Variants in SGCZ observed in about 807,000 individuals in gnomAD.
SGCZ encodes zeta-sarcoglycan.
A neutral mutation model predicts 41.3 loss-of-function variants in SGCZ; 40 were observed. That is an observed-to-expected ratio of 0.97 (90% confidence interval 0.75 to 1.26). The LOEUF is 1.26. Among genes scored for constraint, SGCZ ranks in the 50% most tolerant of loss-of-function variants. SGCZ has a pLI of 0.00. For synonymous variants in SGCZ, 206 were observed against 137.5 expected (o/e 1.50, Z -3.49); for missense variants, 552 against 369.8 (o/e 1.49, Z -4.04).
chr8:14,643,913 A>G (rs756288139), intron 1 of SGCZ, among the ~76,000 whole-genome samples: 13 of 151,786 alleles, frequency 8.6e-5, no homozygotes, highest in Non-Finnish European at 1.8e-4. Flanking sequence ...ACTGCAATGT[A>G]TAAATTAAAA....
At chr8:15,185,303 G>A (rs1228138821) in intron 1 of SGCZ, among the ~76,000 whole-genome samples, 2 of 152,202 alleles carry the variant, frequency 1.3e-5, no homozygotes, top group Non-Finnish European at 2.9e-5. Context: ...CCAAAGCTCT[G>A]AGGTTTCACT....
intron 5 of SGCZ, among the ~76,000 whole-genome samples, chr8:14,143,563 T>G (rs1244503175): frequency 6.6e-6 from 1 of 152,138 alleles, no homozygotes; most frequent in Non-Finnish European, 1.5e-5. Context: ...AAACACCATA[T>G]TGGAGGTAGA....
rs1014266472 is a variant in SGCZ at position 14,127,549 on chromosome 8, G to A, written c.548-19314C>T. On this transcript the variant is annotated intron_variant, in intron 5 of 7. Coordinates refer to ENST00000382080, the MANE Select transcript of SGCZ (RefSeq NM_139167.4). ...CGGCTCACTGCATCCTCCGCCTCCC[G>A]GGTTCATGCCATTAGCCTGCCTCAG... 3.9e-5 allele frequency among the ~76,000 whole-genome samples: 6 copies of A among 152,050 alleles called. No individual in the cohort carries two copies. In the South Asian group the frequency reaches 8.3e-4, roughly 21 times the overall value.
At chr8:15,037,229 G>A (rs140635752) in intron 1 of SGCZ, among the ~76,000 whole-genome samples, 2 of 152,114 alleles carry the variant, frequency 1.3e-5, no homozygotes, top group East Asian at 1.9e-4. Flanking sequence ...TAATGGAGGC[G>A]GTTACCCCCA....
intron 1 of SGCZ, among the ~76,000 whole-genome samples, chr8:15,170,371 A>C (rs482004): frequency 0.87 from 132,276 of 151,922 alleles, 57,606 homozygotes; most frequent in East Asian, 0.9. Flanking sequence ...GATATAAAAA[A>C]AAAAGGAAAA....
intron 1 of SGCZ, among the ~76,000 whole-genome samples, chr8:14,838,955 C>CTA (rs1422419953): frequency 6.6e-6 from 1 of 152,078 alleles, no homozygotes; most frequent in Non-Finnish European, 1.5e-5. Flanking sequence ...CCAAGCATGG[C>CTA]TATGTTGGAC....
At chr8:14,346,108 G>A (rs528116024) in intron 2 of SGCZ, among the ~76,000 whole-genome samples, 16 of 151,868 alleles carry the variant, frequency 1.1e-4, no homozygotes, top group Middle Eastern at 6.8e-3. Context: ...TGTCAATATC[G>A]GCTCTGTTAT....
At chr8:14,981,637 A>C (rs922785682) in intron 1 of SGCZ, among the ~76,000 whole-genome samples, 2 of 152,320 alleles carry the variant, frequency 1.3e-5, no homozygotes, top group South Asian at 4.1e-4. Context: ...CATGTGGTCC[A>C]ACTCACATGA....
chr8:14,528,830 A>AAAAAAT (rs1563388535), intron 2 of SGCZ, among the ~76,000 whole-genome samples: 1 of 78,230 alleles, frequency 1.3e-5, no homozygotes. Flanking sequence ...GACCAGCCAA[A>AAAAAAT]AAAAAAACAA....
intron 2 of SGCZ, among the ~76,000 whole-genome samples, chr8:14,489,551 T>C (rs1368409917): frequency 4.6e-5 from 7 of 151,866 alleles, no homozygotes; most frequent in African/African-American, 9.7e-5. Context: ...AAAAGGGAGA[T>C]GGTCTGGCTT....
chr8:14,476,271 A>C (rs1801357686), intron 2 of SGCZ, among the ~76,000 whole-genome samples: 2 of 152,098 alleles, frequency 1.3e-5, no homozygotes, highest in Admixed American at 1.3e-4. Context: ...CATCCAACTC[A>C]CTGGGACCTG....
chr8:14,298,403 T>G (rs73207788), intron 3 of SGCZ, among the ~76,000 whole-genome samples: 7,329 of 152,052 alleles, frequency 0.048, 269 homozygotes, highest in East Asian at 0.17. Flanking sequence ...TGAAAAAAAC[T>G]ATTTCATTTG....
chr8:15,096,066 T>G (rs914537290), intron 1 of SGCZ, among the ~76,000 whole-genome samples: 1 of 152,134 alleles, frequency 6.6e-6, no homozygotes, highest in African/African-American at 2.4e-5. Flanking sequence ...TAGTTTCTTT[T>G]TTATTTTTAC....
chr8:14,423,749 C>A (rs767054216), intron 2 of SGCZ, among the ~76,000 whole-genome samples: 14 of 152,136 alleles, frequency 9.2e-5, no homozygotes, highest in Non-Finnish European at 1.9e-4. Flanking sequence ...TCTTAATTTT[C>A]TGTCCTTTCT....
intron 1 of SGCZ, among the ~76,000 whole-genome samples, chr8:14,910,829 T>A (rs1799260997): frequency 6.6e-6 from 1 of 152,014 alleles, no homozygotes; most frequent in South Asian, 2.1e-4. Context: ...TGTACATTCA[T>A]ATTCTTATTA....
At chr8:15,128,519 C>G (rs557652376) in intron 1 of SGCZ, among the ~76,000 whole-genome samples, 57 of 152,334 alleles carry the variant, frequency 3.7e-4, no homozygotes, top group African/African-American at 1.1e-3. Flanking sequence ...GATTGTCCCT[C>G]CAGACTCTCC....
At chr8:14,997,180 C>G (rs1207745002) in intron 1 of SGCZ, among the ~76,000 whole-genome samples, 3 of 152,148 alleles carry the variant, frequency 2.0e-5, no homozygotes, top group South Asian at 2.1e-4. Flanking sequence ...TGTCCCGTAT[C>G]TAATTCTCAG....
chr8:14,533,313 C>A (rs1336700598), intron 2 of SGCZ, among the ~76,000 whole-genome samples: 2 of 150,818 alleles, frequency 1.3e-5, no homozygotes, highest in African/African-American at 2.4e-5. Flanking sequence ...GAATTTTTTA[C>A]ATTTTTGTAT....
intron 1 of SGCZ, among the ~76,000 whole-genome samples, chr8:14,698,300 G>A (rs1809030828): frequency 6.6e-6 from 1 of 151,726 alleles, no homozygotes; most frequent in African/African-American, 2.4e-5. Context: ...CCCATTAGCT[G>A]GCCTTAGGAA....
Sources: allele counts gnomAD v4.1 joint callset (sites outside exome capture counted in the v4.1 genomes callset), GRCh38; gene constraint gnomAD v4.1.1; transcripts MANE v1.5; gene names NCBI Gene and HGNC (gene_info 2026-07-23, HGNC 2026-07-21).